The following DGKI variants were observed in gnomAD, a reference collection of about 807,000 sequenced individuals.
DGKI encodes the protein DAG kinase iota.
DGKI carries 55 observed loss-of-function variants against 147.5 expected under a neutral mutation model. That is an observed-to-expected ratio of 0.37 (90% CI 0.30 to 0.47). The LOEUF is 0.47. DGKI is among the 20% of genes least tolerant of loss of function. The pLI is 1.00. For synonymous variants in DGKI, 469 were observed against 477.1 expected (o/e 0.98, Z 0.22); for missense variants, 1,007 against 1,323.8 (o/e 0.76, Z 3.71).
In DGKI at chr7:137,618,127, C is replaced by CTATATATATA. The variant is rs1164221520; in HGVS notation, c.993+1687_993+1696dup. Among the ~76,000 whole-genome samples the CTATATATATA allele has an allele frequency of 2.1e-3, 34 of 16,188 alleles. 1 individual carries two copies. The highest frequency in any genetic ancestry group is 0.023 in the South Asian group (2 of 86). 10.6% of individuals were successfully genotyped at this position (16,188 alleles called of 152,430 possible). ...TTGCTACTTGTTTCTTTCTAAAATA[C>CTATATATATA]TATATATATATATATATATATATAT... is the stretch of plus-strand genomic sequence containing the variant. On this transcript the variant is annotated intron_variant, in intron 8 of 32. Coordinates refer to ENST00000614521, the MANE Select transcript of DGKI (RefSeq NM_001321708.2).
At chr7:137,754,924 T>C (rs1273948587) in intron 1 of DGKI, among the ~76,000 whole-genome samples, 2 of 152,214 alleles carry the variant, frequency 1.3e-5, no homozygotes, top group Non-Finnish European at 2.9e-5. Flanking sequence ...TCAGGGTTGT[T>C]TGACAGACGC....
At chr7:137,550,021 A>C (rs993959025) in intron 20 of DGKI, among the ~76,000 whole-genome samples, 2 of 152,230 alleles carry the variant, frequency 1.3e-5, no homozygotes, top group African/African-American at 4.8e-5. Flanking sequence ...AAGTCTTATA[A>C]ATATTCATTA....
At chr7:137,532,545 G>C (rs1335782207) in intron 20 of DGKI, among the ~76,000 whole-genome samples, 3 of 152,092 alleles carry the variant, frequency 2.0e-5, no homozygotes, top group African/African-American at 7.2e-5. Flanking sequence ...TCAGTGGGGA[G>C]CTACATTTGG....
chr7:137,436,772 T>C (rs1426601407), intron 28 of DGKI, among the ~76,000 whole-genome samples: 2 of 149,556 alleles, frequency 1.3e-5, no homozygotes, highest in Non-Finnish European at 2.9e-5. Flanking sequence ...GCAAATCAAA[T>C]CTAGCAATGT....
intron 3 of DGKI, among the ~76,000 whole-genome samples, chr7:137,666,328 A>C (rs902913243): frequency 6.6e-6 from 1 of 152,194 alleles, no homozygotes; most frequent in African/African-American, 2.4e-5. Flanking sequence ...ACTTAAGCCC[A>C]GGAGTTTGAG....
At chr7:137,703,169 C>T (rs1179976655) in intron 1 of DGKI, among the ~76,000 whole-genome samples, 4 of 152,052 alleles carry the variant, frequency 2.6e-5, no homozygotes, top group African/African-American at 7.2e-5. Context: ...ACGATCACGG[C>T]GGAAGGGAAA....
intron 1 of DGKI, among the ~76,000 whole-genome samples, chr7:137,730,280 C>T (rs1794837011): frequency 6.6e-6 from 1 of 152,096 alleles, no homozygotes; most frequent in Non-Finnish European, 1.5e-5. Flanking sequence ...TTCCCAGGAC[C>T]TGATGCCTTT....
chr7:137,582,414 T>TTCTCTCTCTCTC (rs147596311), intron 14 of DGKI, among the ~76,000 whole-genome samples: 25 of 149,100 alleles, frequency 1.7e-4, no homozygotes, highest in African/African-American at 6.3e-4. Flanking sequence ...ATCACCCATT[T>TTCTCTCTCTCTC]TCTCTCTCTC....
rs62490505 is a variant in DGKI at position 137,687,898 on chromosome 7, G to A, written c.510+1996C>T. Among the ~76,000 whole-genome samples, 370 of 152,144 alleles carry A rather than the reference G, an allele frequency of 2.4e-3. 1 individual carries two copies. The highest frequency in any genetic ancestry group is 4.4e-3 in the Non-Finnish European group (297 of 67,996). On this transcript the variant is annotated intron_variant, in intron 2 of 32. Transcript: ENST00000614521. ...AAAATCAAAGAAAAGGGGAGAAGAG[G>A]GAGGGATAAAAGATCACTAGGCACA...
intron 28 of DGKI, among the ~76,000 whole-genome samples, chr7:137,432,489 C>T (rs531247865): frequency 1.8e-4 from 28 of 152,256 alleles, no homozygotes; most frequent in African/African-American, 6.5e-4. Flanking sequence ...CTGTCTCTTT[C>T]TTTTGTTGAT....
intron 27 of DGKI, among the ~76,000 whole-genome samples, chr7:137,453,759 G>A (rs914671406): frequency 2.0e-5 from 3 of 152,076 alleles, no homozygotes; most frequent in Admixed American, 6.6e-5. Context: ...TGGAGGGAAG[G>A]AAATCATTTC....
intron 1 of DGKI, among the ~76,000 whole-genome samples, chr7:137,729,925 T>C (rs6947733): frequency 0.99 from 150,448 of 152,226 alleles, 74,367 homozygotes; most frequent in East Asian, 1. Context: ...TGATCAAACG[T>C]AGTGGTTTCT....
At chr7:137,419,098 C>G (rs1361475781) in intron 28 of DGKI, among the ~76,000 whole-genome samples, 1 of 152,182 alleles carries the variant, frequency 6.6e-6, no homozygotes, top group Non-Finnish European at 1.5e-5. Flanking sequence ...CCCCCCTTCC[C>G]CAGGTCTGAG....
At chr7:137,460,441 C>T (rs1814392793) in intron 27 of DGKI, among the ~76,000 whole-genome samples, 1 of 152,132 alleles carries the variant, frequency 6.6e-6, no homozygotes, top group Non-Finnish European at 1.5e-5. Flanking sequence ...ATTTCAAAAA[C>T]ACAATGCTGA....
intron 21 of DGKI, among the ~76,000 whole-genome samples, chr7:137,517,484 A>G (rs1466167245): frequency 1.3e-5 from 2 of 152,038 alleles, no homozygotes; most frequent in Non-Finnish European, 2.9e-5. Flanking sequence ...CTAGGGAGCT[A>G]TGACAACTCA....
At chr7:137,545,920 A>G (rs796231875) in intron 20 of DGKI, 1 of 702,384 alleles carries the variant, frequency 1.4e-6, no homozygotes, top group South Asian at 1.5e-5. Flanking sequence ...AGCCGGGGGG[A>G]GCAGACACTC....
chr7:137,693,610 A>G (rs1451103774), intron 1 of DGKI, among the ~76,000 whole-genome samples: 4 of 152,228 alleles, frequency 2.6e-5, no homozygotes, highest in African/African-American at 9.6e-5. Flanking sequence ...ACAGGGCTCA[A>G]TCCATCTACT....
At chr7:137,603,200 T>C (rs774568727) in intron 10 of DGKI, among the ~76,000 whole-genome samples, 2 of 152,174 alleles carry the variant, frequency 1.3e-5, no homozygotes, top group Admixed American at 6.5e-5. Context: ...GTTCCATGCA[T>C]TATTCATAAA....
chr7:137,743,648 A>G (rs767777556), intron 1 of DGKI, among the ~76,000 whole-genome samples: 27 of 152,182 alleles, frequency 1.8e-4, no homozygotes, highest in Non-Finnish European at 3.4e-4. Flanking sequence ...TCCTAAATTA[A>G]CAATCTAAAC....
Sources: gnomAD v4.1 joint callset for allele counts (sites outside exome capture counted in the v4.1 genomes callset) on GRCh38, gnomAD v4.1.1 for gene constraint, MANE v1.5 for transcripts, NCBI Gene and HGNC (gene_info 2026-07-23, HGNC 2026-07-21) for gene names.